The following FLNB variants were observed in gnomAD, a reference collection of about 807,000 sequenced individuals.
The protein encoded by FLNB is filamin B.
In FLNB, 111 loss-of-function variants were observed where a neutral mutation model predicts 250.6. The observed-to-expected ratio is 0.44, with a 90% CI of 0.38 to 0.52. FLNB has a LOEUF of 0.52. Among genes scored for constraint, FLNB ranks in the 20% least tolerant of loss-of-function variants. The pLI is 0.00. For missense variants in FLNB, 2,869 were observed against 3,447.8 expected (o/e 0.83, Z 4.20); for synonymous variants, 1,302 against 1,372.1 (o/e 0.95, Z 1.13).
intron 9 of FLNB, among the ~76,000 whole-genome samples, chr3:58,103,499 T>C (rs1052750207): frequency 4.6e-5 from 7 of 152,226 alleles, no homozygotes; most frequent in Non-Finnish European, 2.9e-5. Context: ...TTTCTTGCTT[T>C]TGTTGTCCAG....
rs76471260 is a variant in FLNB, at chr3:58,121,342, G to T, written c.2965G>T (p.Val989Leu). ...VTILSPSRKV[V>L]PCLVTPVTGR... ...AATCCTCAGCCCCTCTCGGAAGGTC[G>T]TGCCATGCCTAGTGACACCTGTGAC... The change falls in exon 20 of 46, where the codon GTG becomes TTG. Residue 989 changes from valine (V) to leucine (L), a missense_variant. Physicochemically the swap from Val to Leu is conservative, Grantham distance 32. Around this residue, in one of 5 missense-constraint regions of FLNB, gnomAD observed 1,348 missense variants for 1,466.7 expected, o/e 0.92. Coordinates refer to ENST00000295956, the MANE Select transcript of FLNB (RefSeq NM_001457.4). 1.1e-5 allele frequency: 17 copies of T among 1,614,162 alleles called. 2 individuals carry two copies. The South Asian group carries it at 1.8e-4, about 17-fold the overall frequency.
chr3:58,032,284 C>A (rs2097132134), intron 1 of FLNB, among the ~76,000 whole-genome samples: 1 of 152,086 alleles, frequency 6.6e-6, no homozygotes, highest in African/African-American at 2.4e-5. Flanking sequence ...GAAAAGAAAA[C>A]AGACCATCCT....
intron 3 of FLNB, 138 bp downstream of exon 3, chr3:58,078,952 T>G (rs946884715): frequency 1.9e-5 from 13 of 678,306 alleles, no homozygotes; most frequent in Non-Finnish European, 3.5e-5. Context: ...TCTCTCATCT[T>G]CCTCAGTTTA....
Position 58,153,607 on chromosome 3 carries a change from C to G in FLNB, c.6600C>G (p.Gly2200=). ...EGGAHKVRAG[G]PGLERGEAGV... is the part of the protein sequence containing the mutation. ...GCGCCCACAAGGTGCGGGCAGGAGG[C>G]CCTGGCCTGGAGAGAGGAGAAGCGG... The change falls in exon 39 of 46, where the codon GGC becomes GGG. Residue 2200 remains glycine (G), a synonymous_variant. Coordinates refer to ENST00000295956, the MANE Select transcript of FLNB (RefSeq NM_001457.4). 1 of 1,614,110 alleles carries G rather than the reference C, an allele frequency of 6.2e-7. No homozygotes were observed. Among genetic ancestry groups the G allele is most frequent in the Non-Finnish European group, 8.5e-7 (1 of 1,180,028 alleles).
At chr3:58,134,235 G>C (rs1182066291) in intron 26 of FLNB, among the ~76,000 whole-genome samples, 2 of 152,174 alleles carry the variant, frequency 1.3e-5, no homozygotes, top group African/African-American at 2.4e-5. Context: ...ACCCTATTGT[G>C]AACTGCACAT....
chr3:58,011,843 A>G (rs1203364164), intron 1 of FLNB, among the ~76,000 whole-genome samples: 1 of 152,210 alleles, frequency 6.6e-6, no homozygotes, highest in East Asian at 1.9e-4. Flanking sequence ...AGGGCTTAAC[A>G]CTGTCCTGGG....
Position 58,169,451 on chromosome 3 carries a change from G to C in FLNB, c.7418-139G>C. 1.4e-6 allele frequency: 1 copy of C among 731,256 alleles called. No individual in the cohort carries two copies. Among genetic ancestry groups the C allele is most frequent in the Non-Finnish European group, 2.5e-6 (1 of 399,426 alleles). The allele number at this position is 731,256 out of a possible 1,614,324, so 45.3% of individuals were successfully genotyped here. A position where few individuals can be genotyped will look rare whatever the true frequency, so the allele number is the denominator to read the frequency against. Reference sequence around the variant, plus strand: ...GGTTTAGAAGACATTATGGGTGTGAGATACAGGTGTGGTGGCTTTTGTGTT... The same window carrying C: ...GGTTTAGAAGACATTATGGGTGTGACATACAGGTGTGGTGGCTTTTGTGTT... On this transcript the variant is annotated intron_variant, in intron 44 of 45. Coordinates refer to ENST00000295956, the MANE Select transcript of FLNB (RefSeq NM_001457.4). This position sits in a 1 kb window ranked among gnomAD's most constrained non-coding sequence, Gnocchi z 4.8.
Position 58,130,831 on chromosome 3 carries a change from G to T in FLNB, c.4313G>T (p.Arg1438Leu), listed in dbSNP as rs199590811. The change falls in exon 25 of 46, where the codon CGT (arginine) becomes CTT (leucine). Residue 1438 changes from arginine (R) to leucine (L), a missense_variant. Physicochemically the swap from Arg to Leu is moderately radical, Grantham distance 102 (BLOSUM62 -2). This residue lies in a region of FLNB where 1,348 missense variants were observed against 1,466.7 expected (regional missense o/e 0.92). Coordinates refer to ENST00000295956, the MANE Select transcript of FLNB (RefSeq NM_001457.4). ...GGGCTGGGCTCAGGCGTCCGAGCCC[G>T]TGTCCTGCAGTCCTTCACGGTGGAC... ...GPGLGSGVRA[R>L]VLQSFTVDSS... The T allele has an allele frequency of 6.2e-7, 1 of 1,613,574 alleles. No individual in the cohort carries two copies. Among genetic ancestry groups the T allele is most frequent in the Admixed American group, 1.7e-5 (1 of 59,984 alleles).
chr3:58,076,755 C>T (rs2097202260), intron 1 of FLNB, among the ~76,000 whole-genome samples: 1 of 152,082 alleles, frequency 6.6e-6, no homozygotes, highest in African/African-American at 2.4e-5. Context: ...GCCACTGCAC[C>T]TGGCCATTAT....
intron 1 of FLNB, among the ~76,000 whole-genome samples, chr3:58,014,768 G>A (rs2097103588): frequency 6.6e-6 from 1 of 152,070 alleles, no homozygotes; most frequent in Admixed American, 6.6e-5. Context: ...TTGCTCTGTC[G>A]CCCAGGTTGG....
rs150747960 is a variant in FLNB, at chr3:58,105,166, G to A, written c.1697G>A (p.Arg566Gln). 1,062 of 1,614,214 alleles carry A rather than the reference G, an allele frequency of 6.6e-4. 6 individuals are homozygous for A. In the Middle Eastern group the frequency reaches 6.8e-3, roughly 10 times the overall value. ...GGGCTCCATGGTGGGATTGTCGGGC[G>A]GTCAGCGGACTTCGTGGTAGAATCC... Reference protein sequence around the residue: ...GPGLHGGIVGRSADFVVESIG... With the variant: ...GPGLHGGIVGQSADFVVESIG... Residue 566 changes from arginine to glutamine, a missense_variant, in exon 11 of 46, where the codon CGG (arginine) becomes CAG (glutamine). Arg to Gln is a conservative substitution (Grantham distance 43). Coordinates refer to ENST00000295956, the MANE Select transcript of FLNB (RefSeq NM_001457.4).
Position 58,159,575 on chromosome 3 carries a change from C to G in FLNB, c.6910C>G (p.Gln2304Glu). 1 of 1,614,084 alleles carries G rather than the reference C, an allele frequency of 6.2e-7. No individual in the cohort carries two copies. Among genetic ancestry groups the G allele is most frequent in the Non-Finnish European group, 8.5e-7 (1 of 1,180,008 alleles). ...SLQESGLKVN[Q>E]PASFAIRLNG... The stretch of plus-strand genomic sequence containing the variant: ...TCAGGAATCGGGATTAAAAGTTAAC[C>G]AGCCAGCATCCTTTGCTATAAGGTT... The change falls in exon 42 of 46, where the codon CAG becomes GAG. Residue 2304 changes from glutamine (Q) to glutamate (E), a missense_variant. Coordinates refer to ENST00000295956, the MANE Select transcript of FLNB (RefSeq NM_001457.4).
intron 12 of FLNB, 82 bp from the exon 13 acceptor site, chr3:58,108,376 C>A: frequency 1.1e-6 from 1 of 882,748 alleles, no homozygotes. Context: ...GTTCTTCCCC[C>A]ACCCCCTGGT....
At chr3:58,013,837 A>G (rs1409690052) in intron 1 of FLNB, among the ~76,000 whole-genome samples, 2 of 152,198 alleles carry the variant, frequency 1.3e-5, no homozygotes, top group East Asian at 1.9e-4. Flanking sequence ...AAAAAGTAGC[A>G]AAGTAGCATG....
At position 58,146,891 on chromosome 3, in the gene FLNB, T is replaced by C; in HGVS notation, c.5626T>C (p.Cys1876Arg). The C allele has an allele frequency of 6.2e-7, 1 of 1,614,200 alleles. No individual in the cohort carries two copies. The highest frequency in any genetic ancestry group is 8.5e-7 in the Non-Finnish European group (1 of 1,180,030). Reference protein sequence around the residue: ...ISCIDNKDGTCTVTYLPTLPG... With the variant: ...ISCIDNKDGTRTVTYLPTLPG... ...CTGCATTGACAATAAAGATGGGACA[T>C]GCACAGTGACCTACCTGCCGACTCT... Residue 1876 changes from cysteine (C) to arginine (R), a missense_variant, in exon 34 of 46, where the codon TGC becomes CGC. Around this residue, in one of 5 missense-constraint regions of FLNB, gnomAD observed 1,084 missense variants for 1,315.5 expected, o/e 0.82. Transcript: ENST00000295956.
intron 1 of FLNB, among the ~76,000 whole-genome samples, chr3:58,058,912 A>T (rs934715676): frequency 1.3e-5 from 2 of 152,188 alleles, no homozygotes; most frequent in African/African-American, 4.8e-5. Flanking sequence ...GGATCTGAAG[A>T]GCAGTTTAAA....
chr3:58,065,293 G>A (rs1313251880), intron 1 of FLNB, among the ~76,000 whole-genome samples: 1 of 152,194 alleles, frequency 6.6e-6, no homozygotes, highest in Non-Finnish European at 1.5e-5. Context: ...CACAGCATGT[G>A]TGTGGATCAC....
intron 1 of FLNB, among the ~76,000 whole-genome samples, chr3:58,040,036 T>G (rs2097143844): frequency 6.6e-6 from 1 of 152,116 alleles, no homozygotes. Context: ...TTGCAGCTAC[T>G]TGGGAGGCTG....
intron 1 of FLNB, among the ~76,000 whole-genome samples, chr3:58,076,391 C>T (rs2097201724): frequency 6.6e-6 from 1 of 152,148 alleles, no homozygotes; most frequent in African/African-American, 2.4e-5. Context: ...CTGTATACTA[C>T]CAGTTTAGCA....
Sources: gnomAD v4.1 joint callset for allele counts (sites outside exome capture counted in the v4.1 genomes callset) on GRCh38, gnomAD v4.1.1 for gene constraint, gnomAD v4.1.1 regional missense constraint, Gnocchi (gnomAD v3.1) non-coding constraint, MANE v1.5 for transcripts, NCBI Gene and HGNC (gene_info 2026-07-23, HGNC 2026-07-21) for gene names.